KCTD16: variants seen among roughly 807,000 people sequenced by gnomAD.
KCTD16 encodes potassium channel tetramerization domain containing 16, also known as BTB/POZ domain-containing protein KCTD16.
In KCTD16, 13 loss-of-function variants were observed where a neutral mutation model predicts 33.2. That is an observed-to-expected ratio of 0.39 (90% CI 0.25 to 0.62). The LOEUF is 0.62. Among genes scored for constraint, KCTD16 ranks in the 20% least tolerant of loss-of-function variants. The probability of loss-of-function intolerance (pLI) is 0.50; values close to 1 mark genes in which losing one functional copy is unlikely to be tolerated. For synonymous variants in KCTD16, 197 were observed against 195.3 expected, an observed-to-expected ratio of 1.01 and a Z score of -0.07; for missense variants, 441 against 525.1, an observed-to-expected ratio of 0.84 and a Z score of 1.57.
intron 3 of KCTD16, among the ~76,000 whole-genome samples, chr5:144,214,303 T>G (rs1466308627): frequency 3.3e-5 from 5 of 152,122 alleles, no homozygotes; most frequent in African/African-American, 1.2e-4. Context: ...CTATTGCAAA[T>G]GAGCTTAAAT....
chr5:144,378,308 T>G (rs933560941), intron 3 of KCTD16, among the ~76,000 whole-genome samples: 1 of 152,184 alleles, frequency 6.6e-6, no homozygotes, highest in Non-Finnish European at 1.5e-5. Flanking sequence ...TAGACTAATA[T>G]GTATATGAAT....
chr5:144,330,669 A>G (rs1453654830), intron 3 of KCTD16, among the ~76,000 whole-genome samples: 1 of 152,096 alleles, frequency 6.6e-6, no homozygotes, highest in Non-Finnish European at 1.5e-5. Context: ...TGTGTTAATA[A>G]CTTAAGACAT....
chr5:144,385,392 A>G lies in KCTD16; in HGVS notation c.833-88268A>G, dbSNP rs138380784. ...ATTTAATTTTAAATAGTCTTCAGTA[A>G]CATGCTTGGGGCCAAGCCATGGGGA... is the stretch of plus-strand genomic sequence containing the variant. On this transcript the variant is annotated intron_variant, in intron 3 of 3. Transcript: ENST00000512467. The G allele has an allele frequency of 1.5e-4, 23 of 152,310 alleles. No individual in the cohort carries two copies. The East Asian group carries it at 3.7e-3, about 24-fold the overall frequency. 9.4% of individuals were successfully genotyped at this position (152,310 alleles called of 1,614,324 possible).
intron 2 of KCTD16, among the ~76,000 whole-genome samples, chr5:144,189,259 G>A (rs1241967002): frequency 2.0e-5 from 3 of 152,112 alleles, no homozygotes; most frequent in Admixed American, 6.5e-5. Flanking sequence ...TTGGGAGGCC[G>A]AGGCGGGCGG....
At chr5:144,419,150 T>C (rs1419093628) in intron 3 of KCTD16, among the ~76,000 whole-genome samples, 3 of 152,156 alleles carry the variant, frequency 2.0e-5, no homozygotes, top group Non-Finnish European at 2.9e-5. Context: ...ATTGTGCCCA[T>C]TTGACACATA....
rs368659844 is a variant in KCTD16, at chr5:144,372,204, T to G, written c.833-101456T>G. Among the ~76,000 whole-genome samples the G allele has an allele frequency of 1.2e-3, 181 of 145,734 alleles. No individual in the cohort carries two copies. In the East Asian group the frequency reaches 0.013, roughly 10 times the overall value. On this transcript the variant is annotated intron_variant, in intron 3 of 3. Coordinates refer to ENST00000512467, the MANE Select transcript of KCTD16 (RefSeq NM_020768.4). ...AAAATTTGTGTAACCCCTCTGTGCT[T>G]CTTTTTTTTTTTTTGTCTACAAATG...
chr5:144,345,869 T>G (rs537045934), intron 3 of KCTD16, among the ~76,000 whole-genome samples: 9 of 151,678 alleles, frequency 5.9e-5, no homozygotes, highest in African/African-American at 2.2e-4. Flanking sequence ...ATTATACTCT[T>G]TAAGTTATTT....
rs1347931372 is a variant in KCTD16, at chr5:144,481,733, G to A, written c.*7619G>A. 3 of 151,878 alleles carry A rather than the reference G, an allele frequency of 2.0e-5. No individual in the cohort carries two copies. The highest frequency in any genetic ancestry group is 2.9e-5 in the Non-Finnish European group (2 of 67,912). The allele number at this position is 151,878 out of a possible 1,614,324, so 9.4% of individuals were successfully genotyped here. ...TACTATATATAGGTCACTGTCGTGAGCATTATAATGTCTAAGCAATCAAAT... is the reference window on the plus strand; with the variant it reads ...TACTATATATAGGTCACTGTCGTGAACATTATAATGTCTAAGCAATCAAAT... On this transcript the variant is annotated 3_prime_UTR_variant, in exon 4 of 4. Coordinates refer to ENST00000512467, the MANE Select transcript of KCTD16 (RefSeq NM_020768.4).
At position 144,453,545 on chromosome 5, in the gene KCTD16, A is replaced by G. The variant is rs75692024; in HGVS notation, c.833-20115A>G. On this transcript the variant is annotated intron_variant, in intron 3 of 3. Coordinates refer to ENST00000512467, the MANE Select transcript of KCTD16 (RefSeq NM_020768.4). ...TAGTATGAGTCCACATTAACTGCAG[A>G]ATCTTGAGAAATCTTAATTACTAGG... 3.3e-3 allele frequency among the ~76,000 whole-genome samples: 500 copies of G among 152,270 alleles called. 3 individuals are homozygous for G. Among genetic ancestry groups the G allele is most frequent in the African/African-American group, 0.012 (485 of 41,552 alleles).
chr5:144,473,295 A>G (rs1443242650), intron 3 of KCTD16, among the ~76,000 whole-genome samples: 3 of 152,168 alleles, frequency 2.0e-5, no homozygotes, highest in Non-Finnish European at 2.9e-5. Flanking sequence ...ATAACTCCAG[A>G]TAGTAGGAAA....
At chr5:144,296,595 G>C (rs1756043791) in intron 3 of KCTD16, among the ~76,000 whole-genome samples, 1 of 152,082 alleles carries the variant, frequency 6.6e-6, no homozygotes, top group Non-Finnish European at 1.5e-5. Context: ...ATTATTTGGA[G>C]AACTTCACTG....
intron 3 of KCTD16, among the ~76,000 whole-genome samples, chr5:144,296,064 T>C (rs570537882): frequency 2.0e-5 from 3 of 152,296 alleles, no homozygotes; most frequent in African/African-American, 7.2e-5. Flanking sequence ...AAAACTAACA[T>C]AGGGACAAAC....
chr5:144,219,207 A>AT (rs1418833947), intron 3 of KCTD16, among the ~76,000 whole-genome samples: 2 of 151,712 alleles, frequency 1.3e-5, no homozygotes, highest in East Asian at 1.9e-4. Context: ...CAGCTCTTTT[A>AT]TTTTTTTATT....
At chr5:144,470,802 G>T (rs1754451482) in intron 3 of KCTD16, among the ~76,000 whole-genome samples, 1 of 152,180 alleles carries the variant, frequency 6.6e-6, no homozygotes, top group Non-Finnish European at 1.5e-5. Context: ...CCAGGTTCCT[G>T]GCTTGGCACA....
intron 2 of KCTD16, among the ~76,000 whole-genome samples, chr5:144,200,286 G>A (rs1167020689): frequency 1.3e-5 from 2 of 152,082 alleles, no homozygotes; most frequent in African/African-American, 2.4e-5. Context: ...TTATGACAGT[G>A]GAAATCAGGA....
chr5:144,472,643 G>C (rs1415007387), intron 3 of KCTD16, among the ~76,000 whole-genome samples: 1 of 152,054 alleles, frequency 6.6e-6, no homozygotes, highest in Non-Finnish European at 1.5e-5. Context: ...ATTGTTCCTT[G>C]GCATATTTGC....
intron 3 of KCTD16, among the ~76,000 whole-genome samples, chr5:144,421,435 G>A (rs73296064): frequency 0.054 from 8,143 of 152,070 alleles, 752 homozygotes; most frequent in African/African-American, 0.19. Context: ...AGGAGACTGC[G>A]GCACATTGGA....
intron 3 of KCTD16, among the ~76,000 whole-genome samples, chr5:144,407,110 A>G (rs1350895231): frequency 6.6e-6 from 1 of 151,914 alleles, no homozygotes; most frequent in Non-Finnish European, 1.5e-5. Flanking sequence ...TGCCTTTGAT[A>G]GGAGGGATGT....
chr5:144,433,629 A>G (rs956294494), intron 3 of KCTD16, among the ~76,000 whole-genome samples: 3 of 152,176 alleles, frequency 2.0e-5, no homozygotes, highest in African/African-American at 4.8e-5. Context: ...GTTTAAACAT[A>G]GAAAACCAGC....
Sources: gnomAD v4.1 joint callset for allele counts (sites outside exome capture counted in the v4.1 genomes callset) on GRCh38, gnomAD v4.1.1 for gene constraint, MANE v1.5 for transcripts, NCBI Gene and HGNC (gene_info 2026-07-23, HGNC 2026-07-21) for gene names.